ZFP14: variants seen among roughly 807,000 people sequenced by gnomAD.
ZFP14 encodes the protein ZFP14 zinc finger protein.
ZFP14 carries 22 observed loss-of-function variants against 54.5 expected under a neutral mutation model. The observed-to-expected ratio is 0.40, with a 90% confidence interval of 0.29 to 0.58. The LOEUF (loss-of-function observed/expected upper bound fraction) is 0.58, where lower values mean the gene tolerates loss of function less well. ZFP14 is among the 20% of genes least tolerant of loss of function. The pLI, the probability that ZFP14 is intolerant of heterozygous loss-of-function variation, is 0.39. For synonymous variants in ZFP14, 159 were observed against 204.0 expected (o/e 0.78, Z 1.88); for missense variants, 470 against 637.8 (o/e 0.74, Z 2.83).
At position 36,363,728 on chromosome 19, in the gene ZFP14, G is replaced by T. The variant is rs141686153; in HGVS notation, c.10-1490C>A. Among the ~76,000 whole-genome samples the T allele has an allele frequency of 4.8e-3, 722 of 151,812 alleles. 6 individuals carry two copies. Among genetic ancestry groups the T allele is most frequent in the African/African-American group, 0.017 (686 of 41,458 alleles). On this transcript the variant is annotated intron_variant, in intron 2 of 4. Transcript: ENST00000270001. ...GTTCAGGCCAGGTGCAGTGGCTCAA[G>T]CCTGTAATCCCAGCACTTTGGGAGG...
Position 36,365,468 on chromosome 19 carries a change from C to T in ZFP14, c.9+2416G>A, listed in dbSNP as rs181848878. Among the ~76,000 whole-genome samples, 18 of 152,212 alleles carry T rather than the reference C, an allele frequency of 1.2e-4. No homozygotes were observed. In the East Asian group the frequency reaches 3.5e-3, roughly 29 times the overall value. On this transcript the variant is annotated intron_variant, in intron 2 of 4. Transcript: ENST00000270001. ...TATGGAAAAGTGTTTCCAACAAGAA[C>T]GTGATAGCGGGAACGGCTGACACTC...
At position 36,354,405 on chromosome 19, in the gene ZFP14, A is replaced by G. The variant is rs773221488; in HGVS notation, c.235+6030T>C. Among the ~76,000 whole-genome samples the G allele has an allele frequency of 5.1e-4, 71 of 138,368 alleles. 13 individuals carry two copies. The highest frequency in any genetic ancestry group is 9.9e-4 in the Non-Finnish European group (63 of 63,340). The allele number at this position is 138,368 out of a possible 152,430, so 90.8% of individuals were successfully genotyped here. On this transcript the variant is annotated intron_variant, in intron 4 of 4. Coordinates refer to ENST00000270001, the MANE Select transcript of ZFP14 (RefSeq NM_020917.3). ...AAAAAAAAGTCAAATGCCTTCTCCT[A>G]TGATATACAAACCATTACATGATCT...
chr19:36,340,819 C>T lies in ZFP14; in HGVS notation c.1007G>A (p.Gly336Asp). The change falls in exon 5 of 5, where the codon GGT becomes GAT. Residue 336 changes from glycine to aspartate, a missense_variant. Physicochemically the swap from Gly to Asp is moderately conservative, Grantham distance 94. Coordinates refer to ENST00000270001, the MANE Select transcript of ZFP14 (RefSeq NM_020917.3). The surrounding 1 kb of genome is among the most constrained non-coding windows in gnomAD (Gnocchi z 5.4). ...CTCCTTACATTCATAGGGTTTCTCA[C>T]CAAAATGAATTTTCTGATGTACTCT... ...DLRVHQKIHF[G>D]EKPYECKECG... The T allele has an allele frequency of 6.2e-7, 1 of 1,614,110 alleles. No homozygotes were observed. The highest frequency in any genetic ancestry group is 8.5e-7 in the Non-Finnish European group (1 of 1,180,030).
intron 1 of ZFP14, among the ~76,000 whole-genome samples, chr19:36,372,893 A>G (rs8109320): frequency 0.68 from 102,865 of 151,582 alleles, 35,162 homozygotes; most frequent in African/African-American, 0.76. Context: ...GTGACAACAC[A>G]GATGAATCTG....
chr19:36,357,829 G>C (rs542714654), intron 4 of ZFP14, among the ~76,000 whole-genome samples: 2 of 150,184 alleles, frequency 1.3e-5, no homozygotes, highest in Non-Finnish European at 3.0e-5. Context: ...TGCAACCTCC[G>C]CTTCCCAGGT....
chr19:36,373,112 T>C (rs2031905131), intron 1 of ZFP14, among the ~76,000 whole-genome samples: 1 of 151,982 alleles, frequency 6.6e-6, no homozygotes, highest in Non-Finnish European at 1.5e-5. Context: ...ACCCTGTCTC[T>C]ACTAAAAATA....
At chr19:36,373,201 C>T (rs926592714) in intron 1 of ZFP14, among the ~76,000 whole-genome samples, 5 of 150,820 alleles carry the variant, frequency 3.3e-5, no homozygotes, top group South Asian at 4.3e-4. Flanking sequence ...CACTTGAACC[C>T]GGGAGGCGGA....
Position 36,340,284 on chromosome 19 carries a change from C to T in ZFP14, c.1542G>A (p.Lys514=). The change falls in exon 5 of 5, where the codon AAG becomes AAA. Residue 514 remains lysine, a synonymous_variant. Transcript: ENST00000270001. This position sits in a 1 kb window ranked among gnomAD's most constrained non-coding sequence, Gnocchi z 5.4. ...GEKPYKCKEC[K]KAFRQHSHLT... ...GGTGTGAATGCTGTCTAAAGGCCTT[C>T]TTACACTCCTTACACTTGTAGGGCT... 1 of 1,613,536 alleles carries T rather than the reference C, an allele frequency of 6.2e-7. No homozygotes were observed. Among genetic ancestry groups the T allele is most frequent in the Non-Finnish European group, 8.5e-7 (1 of 1,179,768 alleles).
intron 4 of ZFP14, among the ~76,000 whole-genome samples, chr19:36,352,924 G>A (rs1332992507): frequency 4.2e-4 from 54 of 128,170 alleles, no homozygotes; most frequent in South Asian, 4.8e-4. Flanking sequence ...CCGGGCGACA[G>A]AGCGAGACTC....
At chr19:36,369,631 G>C (rs2031850358) in intron 1 of ZFP14, among the ~76,000 whole-genome samples, 1 of 151,776 alleles carries the variant, frequency 6.6e-6, no homozygotes, top group African/African-American at 2.4e-5. Flanking sequence ...GGCTGGTCTC[G>C]AACTCCTGAC....
At chr19:36,362,742 A>T (rs563240856) in intron 2 of ZFP14, 63 of 213,244 alleles carry the variant, frequency 3.0e-4, no homozygotes, top group South Asian at 1.6e-3. Context: ...TTAAAAATTT[A>T]AAAAAAAAGA....
At position 36,354,050 on chromosome 19, in the gene ZFP14, G is replaced by A. The variant is rs879416686; in HGVS notation, c.235+6385C>T. Among the ~76,000 whole-genome samples the A allele has an allele frequency of 3.2e-4, 41 of 127,408 alleles. 4 individuals carry two copies. The highest frequency in any genetic ancestry group is 5.8e-4 in the Non-Finnish European group (34 of 58,558). 83.6% of individuals were successfully genotyped at this position (127,408 alleles called of 152,430 possible). ...TGATCACACCACTGCACTCCAGCCT[G>A]GGCAACAGAACAAGACCCTGTCTCA... On this transcript the variant is annotated intron_variant, in intron 4 of 4. Coordinates refer to ENST00000270001, the MANE Select transcript of ZFP14 (RefSeq NM_020917.3).
rs985766364 is a variant in ZFP14, at chr19:36,354,829, G to A, written c.235+5606C>T. Among the ~76,000 whole-genome samples, 15 of 142,322 alleles carry A rather than the reference G, an allele frequency of 1.1e-4. 4 individuals are homozygous for A. The highest frequency in any genetic ancestry group is 7.2e-3 in the Middle Eastern group (2 of 276). 93.4% of individuals were successfully genotyped at this position (142,322 alleles called of 152,430 possible). A position where few individuals can be genotyped will look rare whatever the true frequency, so the allele number is the denominator to read the frequency against. Reference sequence around the variant, plus strand: ...TGGGACTACAGGCATGTGCCACCACGCCCAGCTAATTTTCGTATTTTCAGT... The same window carrying A: ...TGGGACTACAGGCATGTGCCACCACACCCAGCTAATTTTCGTATTTTCAGT... On this transcript the variant is annotated intron_variant, in intron 4 of 4. Transcript: ENST00000270001.
rs186710564 is a variant in ZFP14, at chr19:36,363,388, G to C, written c.10-1150C>G. 1.3e-3 allele frequency among the ~76,000 whole-genome samples: 198 copies of C among 151,268 alleles called. 3 individuals carry two copies. Among genetic ancestry groups the C allele is most frequent in the Admixed American group, 3.8e-3 (58 of 15,182 alleles). ...TTTTTTGTATTTTTAGTAGAGACGG[G>C]GTTTCTCCGCGTTAATTAGGATGGC... On this transcript the variant is annotated intron_variant, in intron 2 of 4. Transcript: ENST00000270001.
At chr19:36,376,144 T>A (rs918130014) in intron 1 of ZFP14, among the ~76,000 whole-genome samples, 11 of 152,158 alleles carry the variant, frequency 7.2e-5, no homozygotes, top group African/African-American at 2.7e-4. Flanking sequence ...CCTGAAAGGA[T>A]TGTTATGAGA....
chr19:36,346,008 G>C (rs528359022), intron 4 of ZFP14, among the ~76,000 whole-genome samples: 1 of 152,182 alleles, frequency 6.6e-6, no homozygotes, highest in South Asian at 2.1e-4. Context: ...AAAAATCCAG[G>C]TTGGCCAGGC....
intron 4 of ZFP14, chr19:36,360,131 T>C (rs1223527112): frequency 5.0e-6 from 1 of 198,898 alleles, no homozygotes; most frequent in African/African-American, 2.3e-5. Flanking sequence ...ATTTCTTTTC[T>C]ATTTTGCTGA....
chr19:36,343,476 CT>C, intron 4 of ZFP14, among the ~76,000 whole-genome samples: 1 of 152,280 alleles, frequency 6.6e-6, no homozygotes. Context: ...GCATGGTTGG[CT>C]GGTTTTCATT....
chr19:36,341,434 C>A lies in ZFP14; in HGVS notation c.392G>T (p.Gly131Val). 1 of 1,614,010 alleles carries A rather than the reference C, an allele frequency of 6.2e-7. No homozygotes were observed. Among genetic ancestry groups the A allele is most frequent in the Non-Finnish European group, 8.5e-7 (1 of 1,180,024 alleles). The change falls in exon 5 of 5, where the codon GGG (glycine) becomes GTG (valine). Residue 131 changes from glycine to valine, a missense_variant. Transcript: ENST00000270001. The surrounding 1 kb of genome is among the most constrained non-coding windows in gnomAD (Gnocchi z 4.2). The stretch of plus-strand genomic sequence containing the variant: ...ATATCCCTCTTGTTGTTCCTTTTCC[C>A]CCTCAATCTTGCTTTTGCATTCCCA... ...NDWECKSKIE[G>V]EKEQQEGYFG...
Sources: allele counts gnomAD v4.1 joint callset (sites outside exome capture counted in the v4.1 genomes callset), GRCh38; gene constraint gnomAD v4.1.1; non-coding constraint Gnocchi (gnomAD v3.1); transcripts MANE v1.5; gene names NCBI Gene and HGNC (gene_info 2026-07-23, HGNC 2026-07-21).